USP32: variants seen among roughly 807,000 people sequenced by gnomAD.
The protein encoded by USP32 is ubiquitin specific peptidase 32.
A neutral mutation model predicts 204.8 loss-of-function variants in USP32; 59 were observed. The ratio of observed to expected loss-of-function variants is 0.29; its 90% CI spans 0.23 to 0.36. The LOEUF is 0.36. Among genes scored for constraint, USP32 ranks in the 10% least tolerant of loss-of-function variants. The probability of loss-of-function intolerance (pLI) is 1.00; values close to 1 mark genes in which losing one functional copy is unlikely to be tolerated. For synonymous variants in USP32, 517 were observed against 678.4 expected (o/e 0.76, Z 3.70); for missense variants, 1,160 against 1,946.4 (o/e 0.60, Z 7.60).
At chr17:60,354,477 T>C (rs1160409967) in intron 1 of USP32, among the ~76,000 whole-genome samples, 2 of 152,018 alleles carry the variant, frequency 1.3e-5, no homozygotes, top group Non-Finnish European at 2.9e-5. Context: ...GGGCTAAGAA[T>C]TTACAAACCT....
chr17:60,194,319 C>T (rs2084459469), intron 27 of USP32, among the ~76,000 whole-genome samples: 1 of 152,222 alleles, frequency 6.6e-6, no homozygotes, highest in Non-Finnish European at 1.5e-5. Flanking sequence ...GCTGGGATTA[C>T]AGGCGTGAGT....
chr17:60,313,038 G>A (rs1481294293), intron 2 of USP32, among the ~76,000 whole-genome samples: 1 of 152,142 alleles, frequency 6.6e-6, no homozygotes, highest in African/African-American at 2.4e-5. Context: ...ATCACCTGAG[G>A]TCAGGAGTTT....
intron 26 of USP32, among the ~76,000 whole-genome samples, chr17:60,199,140 C>T (rs1408092069): frequency 1.4e-5 from 2 of 138,568 alleles, no homozygotes; most frequent in African/African-American, 6.5e-5. Context: ...TGAAAAGATG[C>T]CAGTGGAAAA....
At chr17:60,337,558 T>A (rs1215130580) in intron 2 of USP32, among the ~76,000 whole-genome samples, 1 of 152,198 alleles carries the variant, frequency 6.6e-6, no homozygotes. Context: ...ATGTTTTTTT[T>A]AAGTCATAAA....
At position 60,269,493 on chromosome 17, in the gene USP32, C is replaced by G. The variant is rs1455877560; in HGVS notation, c.768G>C (p.Gly256=). Residue 256 remains glycine (G), a synonymous_variant, in exon 7 of 34, where the codon GGG becomes GGC. Coordinates refer to ENST00000300896, the MANE Select transcript of USP32 (RefSeq NM_032582.4). ...NHIDFKEISC[G]LSACCRGPLA... The stretch of plus-strand genomic sequence containing the variant: ...GGGGTCCCCTGCAACAGGCTGATAA[C>G]CCACAGGATATCTCCTTAAAATCTA... 2 of 1,611,068 alleles carry G rather than the reference C, an allele frequency of 1.2e-6. No individual in the cohort carries two copies. The highest frequency in any genetic ancestry group is 1.7e-4 in the Middle Eastern group (1 of 6,056).
chr17:60,298,812 T>C (rs565510454), intron 3 of USP32, among the ~76,000 whole-genome samples: 21 of 152,230 alleles, frequency 1.4e-4, no homozygotes, highest in Non-Finnish European at 2.6e-4. Flanking sequence ...ACTGGGCATA[T>C]ACACGTGTCA....
Position 60,255,221 on chromosome 17 carries a change from C to G in USP32, c.1028G>C (p.Ser343Thr). The G allele has an allele frequency of 6.2e-7, 1 of 1,613,200 alleles. No homozygotes were observed. Among genetic ancestry groups the G allele is most frequent in the East Asian group, 2.2e-5 (1 of 44,858 alleles). The change falls in exon 10 of 34, where the codon AGT (serine) becomes ACT (threonine). Residue 343 changes from serine (S) to threonine (T), a missense_variant. Ser to Thr is a moderately conservative substitution (Grantham distance 58). This residue lies in a region of USP32 where 536 missense variants were observed against 680.9 expected (regional missense o/e 0.79). Coordinates refer to ENST00000300896, the MANE Select transcript of USP32 (RefSeq NM_032582.4). The stretch of plus-strand genomic sequence containing the variant: ...CTCATTGGCAAGAACATTTTTCACA[C>G]TCCAGATCTGATAGTCTTCCAGAGT... ...HLTLEDYQIWSVKNVLANEFL... is the reference protein window; with the variant it reads ...HLTLEDYQIWTVKNVLANEFL...
intron 9 of USP32, 40 bp from the exon 10 acceptor site, chr17:60,255,298 CTTTTTTT>C: frequency 5.5e-6 from 6 of 1,100,782 alleles, no homozygotes; most frequent in East Asian, 2.7e-5. Flanking sequence ...TCTTTTTTTT[CTTTTTTT>C]TTTTTTTTTT....
At chr17:60,293,164 T>A (rs555937326) in intron 4 of USP32, among the ~76,000 whole-genome samples, 12 of 152,204 alleles carry the variant, frequency 7.9e-5, no homozygotes, top group Non-Finnish European at 1.5e-4. Context: ...TTCTACTTTA[T>A]TTTCCCCTAT....
At chr17:60,191,787 G>A (rs149353990) in intron 28 of USP32, among the ~76,000 whole-genome samples, 18 of 151,998 alleles carry the variant, frequency 1.2e-4, no homozygotes, top group Middle Eastern at 3.4e-3. Context: ...GGGATTACAC[G>A]CGTGAGCCAC....
chr17:60,229,794 G>T (rs1163545568), intron 12 of USP32, among the ~76,000 whole-genome samples: 1 of 152,186 alleles, frequency 6.6e-6, no homozygotes, highest in East Asian at 1.9e-4. Flanking sequence ...ATATAAAGTT[G>T]ATGCATTACA....
chr17:60,208,928 A>G (rs2084896631), intron 22 of USP32, 100 bp from the exon 23 acceptor site: 8 of 1,263,266 alleles, frequency 6.3e-6, no homozygotes, highest in Non-Finnish European at 8.5e-6. Context: ...ATTTAAATGT[A>G]AAGAATATAA....
In USP32 at chr17:60,186,470, TACAACTC is replaced by T. The variant is rs1598031168; in HGVS notation, c.3643-826_3643-820del. Reference sequence around the variant, plus strand: ...CAGCAGAGCATGAAACCCCACAGGGTACAACTCATTTGCATCTGATTCCATGTAACAC... The same window carrying T: ...CAGCAGAGCATGAAACCCCACAGGGTATTTGCATCTGATTCCATGTAACAC... On this transcript the variant is annotated intron_variant, in intron 29 of 33. Coordinates refer to ENST00000300896, the MANE Select transcript of USP32 (RefSeq NM_032582.4). 2.0e-5 allele frequency among the ~76,000 whole-genome samples: 3 copies of T among 152,162 alleles called. No individual in the cohort carries two copies. In the East Asian group the frequency reaches 5.8e-4, roughly 29 times the overall value.
chr17:60,243,618 T>C (rs143489423), intron 11 of USP32, among the ~76,000 whole-genome samples: 7 of 152,332 alleles, frequency 4.6e-5, no homozygotes, highest in African/African-American at 1.7e-4. Context: ...TGTCACAAAA[T>C]ATTTATCCCC....
At chr17:60,237,249 T>G (rs2085755132) in intron 11 of USP32, among the ~76,000 whole-genome samples, 1 of 151,196 alleles carries the variant, frequency 6.6e-6, no homozygotes, top group African/African-American at 2.4e-5. Context: ...CAAGCAATCC[T>G]CCTGCCTCAG....
At position 60,380,860 on chromosome 17, in the gene USP32, A is replaced by C. The variant is rs561002971; in HGVS notation, c.58+11022T>G. Among the ~76,000 whole-genome samples the C allele has an allele frequency of 6.0e-4, 92 of 152,306 alleles. 1 individual carries two copies. In the South Asian group the frequency reaches 0.018, roughly 29 times the overall value. On this transcript the variant is annotated intron_variant, in intron 1 of 33. Transcript: ENST00000300896. The stretch of plus-strand genomic sequence containing the variant: ...ACCCAAATTATAATAAGAATTAGAA[A>C]TTTGTGCTTGTCCTTGCATATAAGG...
intron 1 of USP32, among the ~76,000 whole-genome samples, chr17:60,419,762 A>T (rs968876535): frequency 5.3e-5 from 8 of 149,934 alleles, no homozygotes; most frequent in African/African-American, 1.7e-4. Context: ...TGTGCAACAA[A>T]CCCCCATGAC....
At chr17:60,257,933 C>G (rs911889687) in intron 9 of USP32, 2 of 152,310 alleles carry the variant, frequency 1.3e-5, no homozygotes, top group Non-Finnish European at 2.9e-5. Flanking sequence ...TCCTGTAAGC[C>G]CAAGAATATA....
At chr17:60,270,584 G>T (rs774497179) in intron 6 of USP32, among the ~76,000 whole-genome samples, 1 of 152,146 alleles carries the variant, frequency 6.6e-6, no homozygotes, top group Non-Finnish European at 1.5e-5. Flanking sequence ...AGCACTTTGG[G>T]AGGCTGAGGT....
Sources: gnomAD v4.1 joint callset for allele counts (sites outside exome capture counted in the v4.1 genomes callset) on GRCh38, gnomAD v4.1.1 for gene constraint, gnomAD v4.1.1 regional missense constraint, MANE v1.5 for transcripts, NCBI Gene and HGNC (gene_info 2026-07-23, HGNC 2026-07-21) for gene names.